CDC42EP3: variants seen among roughly 807,000 people sequenced by gnomAD.
The protein encoded by CDC42EP3 is CDC42 effector protein (Rho GTPase binding) 3.
CDC42EP3 carries 4 observed loss-of-function variants against 15.5 expected under a neutral mutation model. The ratio of observed to expected loss-of-function variants is 0.26; its 90% CI spans 0.13 to 0.59. CDC42EP3 has a LOEUF of 0.59. Among genes scored for constraint, CDC42EP3 ranks in the 20% least tolerant of loss-of-function variants. The pLI is 0.89. For synonymous variants in CDC42EP3, 145 were observed against 130.3 expected (o/e 1.11, Z -0.77); for missense variants, 309 against 311.2 (o/e 0.99, Z 0.05).
chr2:37,665,378 T>A (rs114508907), intron 1 of CDC42EP3, among the ~76,000 whole-genome samples: 2,194 of 151,782 alleles, frequency 0.014, 54 homozygotes, highest in African/African-American at 0.05. Flanking sequence ...GTTTTCTGAC[T>A]AGCTGGTCAG....
At chr2:37,654,847 C>T (rs573359601) in intron 1 of CDC42EP3, among the ~76,000 whole-genome samples, 2 of 152,216 alleles carry the variant, frequency 1.3e-5, no homozygotes, top group South Asian at 2.1e-4. Flanking sequence ...ACAATGTGGA[C>T]GCTCATGTCA....
intron 1 of CDC42EP3, among the ~76,000 whole-genome samples, chr2:37,660,402 T>G (rs1237018319): frequency 6.6e-6 from 1 of 152,168 alleles, no homozygotes; most frequent in Non-Finnish European, 1.5e-5. Flanking sequence ...ATCGGTTATC[T>G]TCAGTTGGGG....
chr2:37,666,724 A>G (rs2124637877), intron 1 of CDC42EP3, among the ~76,000 whole-genome samples: 1 of 152,268 alleles, frequency 6.6e-6, no homozygotes, highest in South Asian at 2.1e-4. Flanking sequence ...AAATTTGAAA[A>G]CTGCTTTTCT....
At position 37,646,078 on chromosome 2, in the gene CDC42EP3, G is replaced by C. The variant is rs1195174669; in HGVS notation, c.510C>G (p.Thr170=). The change falls in exon 2 of 2, where the codon ACC becomes ACG. Residue 170 remains threonine (T), a synonymous_variant. Transcript: ENST00000295324. ...ATGCAGAACCGCTGGAGCCCCACGAGGTGTCTCCCTGGTGGACTGTCCCAT... is the reference window on the plus strand; with the variant it reads ...ATGCAGAACCGCTGGAGCCCCACGACGTGTCTCCCTGGTGGACTGTCCCAT... The part of the protein sequence containing the change: ...LENGTVHQGD[T]SWGSSGSASQ... 3.7e-6 allele frequency: 6 copies of C among 1,614,080 alleles called. No homozygotes were observed. Among genetic ancestry groups the C allele is most frequent in the Non-Finnish European group, 4.2e-6 (5 of 1,180,038 alleles).
intron 1 of CDC42EP3, among the ~76,000 whole-genome samples, chr2:37,664,091 G>T (rs917021350): frequency 6.6e-6 from 1 of 152,054 alleles, no homozygotes; most frequent in Non-Finnish European, 1.5e-5. Flanking sequence ...GGAGAATGGC[G>T]TGAACCTGGG....
chr2:37,652,805 C>T (rs908655675), intron 1 of CDC42EP3, among the ~76,000 whole-genome samples: 5 of 152,068 alleles, frequency 3.3e-5, no homozygotes, highest in African/African-American at 9.7e-5. Flanking sequence ...AACTCCTGGC[C>T]TCAAGTGATC....
At chr2:37,655,904 T>C (rs954558616) in intron 1 of CDC42EP3, among the ~76,000 whole-genome samples, 11 of 152,246 alleles carry the variant, frequency 7.2e-5, no homozygotes, top group African/African-American at 2.4e-4. Flanking sequence ...AATTATTCTA[T>C]GCAGTACTCC....
rs1229193927 is a variant in CDC42EP3, at chr2:37,646,225, G to A, written c.363C>T (p.Pro121=). The A allele has an allele frequency of 1.9e-6, 3 of 1,614,084 alleles. No homozygotes were observed. The highest frequency in any genetic ancestry group is 1.7e-6 in the Non-Finnish European group (2 of 1,180,038). ...AATTAAATGTCACTGGTGACAATAA[G>A]GGCAACATGAGAGCTTGGGATCCTC... is the stretch of plus-strand genomic sequence containing the variant. ...TIGGSQALML[P]LLSPVTFNSK... is the part of the protein sequence containing the mutation. Residue 121 remains proline, a synonymous_variant, in exon 2 of 2, where the codon CCC becomes CCT. Transcript: ENST00000295324.
chr2:37,653,370 T>C (rs1205157053), intron 1 of CDC42EP3, among the ~76,000 whole-genome samples: 1 of 152,188 alleles, frequency 6.6e-6, no homozygotes, highest in African/African-American at 2.4e-5. Context: ...CGGGTTGCAC[T>C]AGGCTAGACA....
At chr2:37,657,580 T>G (rs1323835941) in intron 1 of CDC42EP3, among the ~76,000 whole-genome samples, 1 of 152,156 alleles carries the variant, frequency 6.6e-6, no homozygotes, top group African/African-American at 2.4e-5. Flanking sequence ...AATAAGCTCT[T>G]CTAGTTTTCT....
intron 1 of CDC42EP3, among the ~76,000 whole-genome samples, chr2:37,661,365 T>G (rs1666051377): frequency 6.6e-6 from 1 of 152,148 alleles, no homozygotes; most frequent in African/African-American, 2.4e-5. Flanking sequence ...AATCTGCCAA[T>G]TTTAGCCAAG....
chr2:37,664,209 C>T (rs1162273001), intron 1 of CDC42EP3, among the ~76,000 whole-genome samples: 6 of 152,086 alleles, frequency 3.9e-5, no homozygotes, highest in African/African-American at 1.2e-4. Context: ...GGCAGAGGAA[C>T]GTGGAAGGAC....
At position 37,664,213 on chromosome 2, in the gene CDC42EP3, G is replaced by A. The variant is rs375067381; in HGVS notation, c.-236+7213C>T. Among the ~76,000 whole-genome samples the A allele has an allele frequency of 2.0e-5, 3 of 152,162 alleles. No individual in the cohort carries two copies. The South Asian group carries it at 6.2e-4, about 32-fold the overall frequency. On this transcript the variant is annotated intron_variant, in intron 1 of 1. Coordinates refer to ENST00000295324, the MANE Select transcript of CDC42EP3 (RefSeq NM_006449.5). ...CAAAACAAGCAGGCAGAGGAACGTG[G>A]AAGGACTAGACTTTCTGAGTCTTCT...
In CDC42EP3 at chr2:37,651,101, C is replaced by T. The variant is rs555116104; in HGVS notation, c.-235-4279G>A. Among the ~76,000 whole-genome samples the T allele has an allele frequency of 1.3e-3, 199 of 151,864 alleles. 1 individual carries two copies. The highest frequency in any genetic ancestry group is 9.8e-3 in the South Asian group (47 of 4,786). ...TGAAGAAGTGCTTAATATGCTCATC[C>T]GAGAAGAGCCCAAAGATGTACATCA... On this transcript the variant is annotated intron_variant, in intron 1 of 1. Coordinates refer to ENST00000295324, the MANE Select transcript of CDC42EP3 (RefSeq NM_006449.5).
rs1401413717 is a variant in CDC42EP3 at position 37,645,597 on chromosome 2, G to A, written c.*226C>T. 4.0e-5 allele frequency: 16 copies of A among 401,344 alleles called. No individual in the cohort carries two copies. The highest frequency in any genetic ancestry group is 5.3e-5 in the Non-Finnish European group (12 of 225,916). The allele number at this position is 401,344 out of a possible 1,614,324, so 24.9% of individuals were successfully genotyped here. A position where few individuals can be genotyped will look rare whatever the true frequency, so the allele number is the denominator to read the frequency against. On this transcript the variant is annotated 3_prime_UTR_variant, in exon 2 of 2. Coordinates refer to ENST00000295324, the MANE Select transcript of CDC42EP3 (RefSeq NM_006449.5). ...AACATCACCAATGCCTCCTGAAAATGGGCTCTGACTCACTTCCTTTTTTTG... is the reference window on the plus strand; with the variant it reads ...AACATCACCAATGCCTCCTGAAAATAGGCTCTGACTCACTTCCTTTTTTTG...
intron 1 of CDC42EP3, among the ~76,000 whole-genome samples, chr2:37,656,994 CCCG>C (rs151028557): frequency 0.13 from 13,338 of 100,694 alleles, 1,168 homozygotes; most frequent in South Asian, 0.21. Context: ...CCCCCCACCC[CCCG>C]CCCCCCGCCA....
intron 1 of CDC42EP3, among the ~76,000 whole-genome samples, chr2:37,668,568 A>C (rs922929591): frequency 2.0e-5 from 3 of 152,164 alleles, no homozygotes; most frequent in African/African-American, 7.2e-5. Context: ...TTTTTTTCCC[A>C]TCCCCTTAAC....
chr2:37,652,493 C>A (rs138386521), intron 1 of CDC42EP3, among the ~76,000 whole-genome samples: 22 of 152,302 alleles, frequency 1.4e-4, no homozygotes, highest in Non-Finnish European at 2.9e-4. Context: ...TCAACACCAG[C>A]ATTAACCTGT....
intron 1 of CDC42EP3, among the ~76,000 whole-genome samples, chr2:37,666,331 C>A (rs1357453481): frequency 6.6e-6 from 1 of 152,182 alleles, no homozygotes; most frequent in East Asian, 1.9e-4. Context: ...AGAAGTCCTG[C>A]AGAAAGGGAC....
Sources: gnomAD v4.1 joint callset for allele counts (sites outside exome capture counted in the v4.1 genomes callset) on GRCh38, gnomAD v4.1.1 for gene constraint, MANE v1.5 for transcripts, NCBI Gene and HGNC (gene_info 2026-07-23, HGNC 2026-07-21) for gene names.